ELN: variants seen among roughly 807,000 people sequenced by gnomAD.
The protein encoded by ELN is tropoelastin.
ELN carries 65 observed loss-of-function variants against 105.8 expected under a neutral mutation model. The observed-to-expected ratio is 0.61, with a 90% CI of 0.50 to 0.75. ELN has a LOEUF of 0.75. ELN is among the 30% of genes least tolerant of loss of function. The probability of loss-of-function intolerance (pLI) is 0.00; values close to 1 mark genes in which losing one functional copy is unlikely to be tolerated. For missense variants in ELN, 882 were observed against 969.4 expected, an observed-to-expected ratio of 0.91 and a Z score of 1.20; for synonymous variants, 368 against 389.2, an observed-to-expected ratio of 0.95 and a Z score of 0.64.
In ELN at chr7:74,038,390, C is replaced by T. The variant is rs137910055; in HGVS notation, c.196+651C>T. On this transcript the variant is annotated intron_variant, in intron 4 of 32. Coordinates refer to ENST00000252034, the MANE Select transcript of ELN (RefSeq NM_000501.4). Reference sequence around the variant, plus strand: ...ACCCCAAGCCCAAGCTGAGCACCGACCATGGCCCCGGATAAGCTCCCCTCC... The same window carrying T: ...ACCCCAAGCCCAAGCTGAGCACCGATCATGGCCCCGGATAAGCTCCCCTCC... 3.6e-3 allele frequency among the ~76,000 whole-genome samples: 552 copies of T among 152,360 alleles called. 1 individual carries two copies. Among genetic ancestry groups the T allele is most frequent in the African/African-American group, 0.013 (520 of 41,588 alleles).
At chr7:74,041,280 C>A in intron 5 of ELN, 29 bp downstream of exon 5, 1 of 1,613,654 alleles carries the variant, frequency 6.2e-7, no homozygotes, top group Non-Finnish European at 8.5e-7. Flanking sequence ...GAAAGATATC[C>A]CCTGTGGGGA....
At chr7:74,057,723 G>A in intron 22 of ELN, 27 bp downstream of exon 22, 1 of 1,612,228 alleles carries the variant, frequency 6.2e-7, no homozygotes, top group Non-Finnish European at 8.5e-7. Flanking sequence ...CCCGCCACTG[G>A]CTCACGGAGA....
chr7:74,036,841 G>T (rs924998732), intron 3 of ELN, among the ~76,000 whole-genome samples: 2 of 152,120 alleles, frequency 1.3e-5, no homozygotes, highest in Non-Finnish European at 2.9e-5. Flanking sequence ...AGGACGGGGG[G>T]ACAGAGTCTC....
At chr7:74,048,091 C>A in intron 13 of ELN, 51 bp from the exon 14 acceptor site, 2 of 1,608,328 alleles carry the variant, frequency 1.2e-6, no homozygotes, top group Non-Finnish European at 1.7e-6. Flanking sequence ...AGGGGGAGGG[C>A]AGCAGTGGTG....
At chr7:74,061,633 C>G (rs1401819760) in intron 26 of ELN, among the ~76,000 whole-genome samples, 19 of 152,100 alleles carry the variant, frequency 1.2e-4, no homozygotes, top group African/African-American at 4.3e-4. Flanking sequence ...GCCTGGACGA[C>G]AGAGCGAGAC....
chr7:74,060,453 G>A lies in ELN; in HGVS notation c.1699G>A (p.Gly567Ser), dbSNP rs1796389586. 2 of 1,613,784 alleles carry A rather than the reference G, an allele frequency of 1.2e-6. No homozygotes were observed. The highest frequency in any genetic ancestry group is 1.1e-5 in the South Asian group (1 of 91,062). ...CGTCCCTGGACTTGGAGTTGGTGCT[G>A]GTGTTCCTGGACTTGGAGTTGGTGC... ...VGVPGLGVGA[G>S]VPGLGVGAGV... The change falls in exon 25 of 33, where the codon GGT becomes AGT. Residue 567 changes from glycine (G) to serine (S), a missense_variant. Gly to Ser is a moderately conservative substitution (Grantham distance 56). Transcript: ENST00000252034.
chr7:74,046,246 G>T (rs782152742), intron 11 of ELN, 29 bp downstream of exon 11: 1 of 1,614,134 alleles, frequency 6.2e-7, no homozygotes, highest in East Asian at 2.2e-5. Flanking sequence ...GAGAAGCAGG[G>T]TGGCCAGCCA....
intron 1 of ELN, among the ~76,000 whole-genome samples, chr7:74,033,394 G>T (rs1789139597): frequency 6.6e-6 from 1 of 152,272 alleles, no homozygotes; most frequent in South Asian, 2.1e-4. Context: ...ATAAGAGACT[G>T]TTGAGAGCTG....
At chr7:74,038,795 C>G (rs971410711) in intron 4 of ELN, among the ~76,000 whole-genome samples, 7 of 152,258 alleles carry the variant, frequency 4.6e-5, no homozygotes, top group Non-Finnish European at 1.0e-4. Flanking sequence ...GCAAATGAAT[C>G]TTCAAGACCC....
chr7:74,067,740 G>C (rs1164421497), intron 32 of ELN, among the ~76,000 whole-genome samples: 6 of 149,420 alleles, frequency 4.0e-5, no homozygotes, highest in African/African-American at 1.5e-4. Context: ...TCCAGCCTGG[G>C]CGGCACAGCA....
In ELN at chr7:74,063,506, AG is replaced by A; in HGVS notation, c.1919-111del. ...TGGCTCCACTGTGCCATCGAAGGCC[AG>A]GGGAGACCTCAGGCTCCACCTGTGT... On this transcript the variant is annotated intron_variant, in intron 28 of 32. Transcript: ENST00000252034. The surrounding 1 kb of genome is among the most constrained non-coding windows in gnomAD (Gnocchi z 4.1). The A allele has an allele frequency of 1.9e-6, 3 of 1,608,976 alleles. No individual in the cohort carries two copies. The highest frequency in any genetic ancestry group is 2.2e-5 in the East Asian group (1 of 44,804).
chr7:74,051,111 C>T (rs1049100152), intron 15 of ELN, among the ~76,000 whole-genome samples: 1 of 152,190 alleles, frequency 6.6e-6, no homozygotes, highest in African/African-American at 2.4e-5. Context: ...CATCTGTCCC[C>T]TGCCCCAGGT....
chr7:74,064,245 C>G (rs187652123), intron 29 of ELN, among the ~76,000 whole-genome samples: 112 of 138,406 alleles, frequency 8.1e-4, no homozygotes, highest in Non-Finnish European at 1.5e-3. Context: ...GAAACCCCGT[C>G]TCTACTAAAA....
At chr7:74,047,608 C>T (rs1554673257) in intron 12 of ELN, 67 bp from the exon 13 acceptor site, 1 of 1,601,472 alleles carries the variant, frequency 6.2e-7, no homozygotes, top group East Asian at 2.2e-5. Context: ...TAGATCTGTC[C>T]ACCCAGGTTG....
At chr7:74,047,430 T>C (rs1792833134) in intron 12 of ELN, among the ~76,000 whole-genome samples, 1 of 152,078 alleles carries the variant, frequency 6.6e-6, no homozygotes, top group African/African-American at 2.4e-5. Context: ...GTAAGGAAAA[T>C]ACTCAGACTC....
rs1196858705 is a variant in ELN, at chr7:74,063,811, A to T, written c.1993+116A>T. 1 of 1,443,484 alleles carries T rather than the reference A, an allele frequency of 6.9e-7. No individual in the cohort carries two copies. The highest frequency in any genetic ancestry group is 1.4e-5 in the African/African-American group (1 of 71,566). 89.4% of individuals were successfully genotyped at this position (1,443,484 alleles called of 1,614,324 possible). A position where few individuals can be genotyped will look rare whatever the true frequency, so the allele number is the denominator to read the frequency against. ...CACCCCTGGCACGTCTTTGCTCAAG[A>T]TGTCCTCTTGGCCAGGTGCGGTGGC... On this transcript the variant is annotated intron_variant, in intron 29 of 32. Coordinates refer to ENST00000252034, the MANE Select transcript of ELN (RefSeq NM_000501.4). This position sits in a 1 kb window ranked among gnomAD's most constrained non-coding sequence, Gnocchi z 4.1.
In ELN at chr7:74,069,701, G is replaced by GT. The variant is rs1798665565; in HGVS notation, c.*1003dup. ...GGATATTTGGGGATTATTTTTGATT[G>GT]TTGATATTCTCTTTTGGTTTTATTG... On this transcript the variant is annotated 3_prime_UTR_variant, in exon 33 of 33. Coordinates refer to ENST00000252034, the MANE Select transcript of ELN (RefSeq NM_000501.4). 1 of 230,934 alleles carries GT rather than the reference G, an allele frequency of 4.3e-6. No homozygotes were observed. The highest frequency in any genetic ancestry group is 1.8e-4 in the South Asian group (1 of 5,498). 14.3% of individuals were successfully genotyped at this position (230,934 alleles called of 1,614,324 possible).
intron 26 of ELN, 48 bp downstream of exon 26, chr7:74,061,187 C>A: frequency 6.2e-7 from 1 of 1,611,698 alleles, no homozygotes; most frequent in Non-Finnish European, 8.5e-7. Context: ...ACCACACCAT[C>A]CCTGACAGCA....
chr7:74,048,069 C>A, intron 13 of ELN, 73 bp from the exon 14 acceptor site: 1 of 1,590,714 alleles, frequency 6.3e-7, no homozygotes, highest in Non-Finnish European at 8.6e-7. Flanking sequence ...GCCCCGAGGG[C>A]AGAGCAGGGG....
Sources: gnomAD v4.1 joint callset for allele counts (sites outside exome capture counted in the v4.1 genomes callset) on GRCh38, gnomAD v4.1.1 for gene constraint, Gnocchi (gnomAD v3.1) non-coding constraint, MANE v1.5 for transcripts, NCBI Gene and HGNC (gene_info 2026-07-23, HGNC 2026-07-21) for gene names.